Variants in NEBL observed in about 807,000 individuals in gnomAD.
The protein encoded by NEBL is LIM and SH3 protein 2.
NEBL carries 122 observed loss-of-function variants against 140.2 expected under a neutral mutation model. That is an observed-to-expected ratio of 0.87 (90% confidence interval 0.75 to 1.01). NEBL has a LOEUF of 1.01. Ranked by LOEUF, NEBL falls within the 50% of genes least tolerant of loss-of-function variation. NEBL has a pLI of 0.00. For missense variants in NEBL, 1,365 were observed against 1,231.3 expected (o/e 1.11, Z -1.62); for synonymous variants, 436 against 398.9 (o/e 1.09, Z -1.11).
intron 2 of NEBL, among the ~76,000 whole-genome samples, chr10:21,043,477 A>G (rs772168921): frequency 1.3e-5 from 2 of 152,218 alleles, no homozygotes; most frequent in African/African-American, 2.4e-5. Context: ...CAACTTTAAG[A>G]TATCATTCTT....
Position 20,818,392 on chromosome 10 carries a change from T to C in NEBL, c.2056-700A>G, listed in dbSNP as rs561852455. Among the ~76,000 whole-genome samples, 3 of 152,170 alleles carry C rather than the reference T, an allele frequency of 2.0e-5. No individual in the cohort carries two copies. In the East Asian group the frequency reaches 5.8e-4, roughly 29 times the overall value. ...TACCAACCAGAGAAACAAACAGTGC[T>C]GACCTCATGGGTTTACATAGAACAT... On this transcript the variant is annotated intron_variant, in intron 20 of 27. Transcript: ENST00000377122.
intron 3 of NEBL, among the ~76,000 whole-genome samples, chr10:20,993,008 C>G (rs2131691630): frequency 6.6e-6 from 1 of 151,948 alleles, no homozygotes; most frequent in Admixed American, 6.6e-5. Context: ...TGGTCTTGAT[C>G]TCCTGACCTC....
At chr10:21,114,120 G>C (rs1185317003) in intron 2 of NEBL, among the ~76,000 whole-genome samples, 2 of 151,744 alleles carry the variant, frequency 1.3e-5, no homozygotes, top group Non-Finnish European at 2.9e-5. Context: ...TTAATATGTT[G>C]TTTTAATTTT....
chr10:20,858,619 T>G (rs565736338), intron 8 of NEBL, among the ~76,000 whole-genome samples: 4 of 152,332 alleles, frequency 2.6e-5, no homozygotes, highest in African/African-American at 7.2e-5. Flanking sequence ...ACAGTAACTC[T>G]GCTTTCAAAA....
chr10:20,930,570 C>G lies in NEBL; in HGVS notation c.357+31102G>C, dbSNP rs187155764. Among the ~76,000 whole-genome samples the G allele has an allele frequency of 2.6e-5, 4 of 152,308 alleles. No homozygotes were observed. In the East Asian group the frequency reaches 7.7e-4, roughly 29 times the overall value. On this transcript the variant is annotated intron_variant, in intron 4 of 6. Coordinates refer to the NEBL transcript ENST00000417816. ...TAGCTCTACCATGGCCCTGCCTAGT[C>G]TCTCCTACTAAATCCTACACCAGTT...
intron 2 of NEBL, among the ~76,000 whole-genome samples, chr10:21,088,807 GAAGTATCT>G (rs1836771100): frequency 6.6e-6 from 1 of 152,206 alleles, no homozygotes; most frequent in Non-Finnish European, 1.5e-5. Flanking sequence ...ACTAAGATAA[GAAGTATCT>G]GCCAACCCTT....
intron 2 of NEBL, among the ~76,000 whole-genome samples, chr10:21,042,428 A>G (rs1442714590): frequency 6.6e-6 from 1 of 152,234 alleles, no homozygotes. Flanking sequence ...AGCCATTATT[A>G]AAAATTAAAT....
chr10:20,832,529 A>C (rs1840515918), intron 14 of NEBL, among the ~76,000 whole-genome samples: 1 of 152,154 alleles, frequency 6.6e-6, no homozygotes, highest in Non-Finnish European at 1.5e-5. Flanking sequence ...ACATTTGAAA[A>C]CTGATTATAA....
intron 26 of NEBL, among the ~76,000 whole-genome samples, chr10:20,790,888 A>C (rs1835895789): frequency 6.6e-6 from 1 of 152,220 alleles, no homozygotes; most frequent in Admixed American, 6.5e-5. Context: ...AAGGATTTTT[A>C]AAAAGTAAGA....
chr10:21,137,645 G>A (rs1426160690), intron 2 of NEBL, among the ~76,000 whole-genome samples: 1 of 152,104 alleles, frequency 6.6e-6, no homozygotes, highest in South Asian at 2.1e-4. Flanking sequence ...AGTGAAACTG[G>A]AAGTGAGCCA....
At chr10:21,120,636 A>G (rs10828192) in intron 2 of NEBL, among the ~76,000 whole-genome samples, 14,732 of 137,324 alleles carry the variant, frequency 0.11, 828 homozygotes, top group South Asian at 0.14. Context: ...TCATCCTTCT[A>G]TATTTATTGG....
intron 3 of NEBL, among the ~76,000 whole-genome samples, chr10:21,216,771 G>GA (rs112977564): frequency 0.29 from 37,886 of 129,016 alleles, 9,348 homozygotes; most frequent in African/African-American, 0.69. Flanking sequence ...ACTCCATCTC[G>GA]AAAAAAAAAA....
At position 20,888,079 on chromosome 10, in the gene NEBL, A is replaced by G. The variant is rs771142727; in HGVS notation, c.369+18T>C. Reference sequence around the variant, plus strand: ...TGTTTTATCTACAAAATCATGAAACACTTTAGAAAAACCCTACCTCACTCT... The same window carrying G: ...TGTTTTATCTACAAAATCATGAAACGCTTTAGAAAAACCCTACCTCACTCT... On this transcript the variant is annotated intron_variant, in intron 4 of 27. Coordinates refer to ENST00000377122, the MANE Select transcript of NEBL (RefSeq NM_006393.3). The G allele has an allele frequency of 6.6e-7, 1 of 1,513,054 alleles. No individual in the cohort carries two copies. Among genetic ancestry groups the G allele is most frequent in the South Asian group, 1.1e-5 (1 of 89,032 alleles). 93.7% of individuals were successfully genotyped at this position (1,513,054 alleles called of 1,614,324 possible).
intron 4 of NEBL, among the ~76,000 whole-genome samples, chr10:20,907,061 T>C (rs780692076): frequency 3.9e-5 from 6 of 152,138 alleles, no homozygotes; most frequent in Non-Finnish European, 5.9e-5. Context: ...GTGGTGACCA[T>C]GTTGGACAGT....
At position 21,186,257 on chromosome 10, in the gene NEBL, A is replaced by AACACACACACAC. The variant is rs765894739; in HGVS notation, n.349-13792_349-13781dup. ...TTTTTAAAAAATTTTTATATATACAAACACACACACACACACACACACACA... is the reference window on the plus strand; with the variant it reads ...TTTTTAAAAAATTTTTATATATACAAACACACACACACACACACACACACACACACACACACA... On this transcript the variant is annotated intron_variant and non_coding_transcript_variant, in intron 3 of 8. Coordinates refer to the NEBL transcript ENST00000675702. Among the ~76,000 whole-genome samples the AACACACACACAC allele has an allele frequency of 4.3e-3, 542 of 124,810 alleles. 7 individuals are homozygous for AACACACACACAC. The highest frequency in any genetic ancestry group is 0.013 in the African/African-American group (478 of 35,522). 81.9% of individuals were successfully genotyped at this position (124,810 alleles called of 152,430 possible).
chr10:21,174,045 G>A, exon 1 of NEBL: 1 of 1,129,534 alleles, frequency 8.9e-7, no homozygotes, highest in Non-Finnish European at 1.1e-6. Context: ...CGGGCTCGCA[G>A]GCGCTGGGTC....
intron 3 of NEBL, among the ~76,000 whole-genome samples, chr10:21,019,031 C>T (rs11012490): frequency 0.027 from 4,138 of 152,052 alleles, 191 homozygotes; most frequent in African/African-American, 0.095. Context: ...CGTTCTCCCA[C>T]CCCTCCCCCC....
intron 3 of NEBL, among the ~76,000 whole-genome samples, chr10:21,181,078 A>G (rs1379880188): frequency 6.6e-6 from 1 of 152,104 alleles, no homozygotes; most frequent in African/African-American, 2.4e-5. Context: ...CCTGACCAAC[A>G]TGGCAAAACC....
chr10:21,041,490 G>C (rs1479188214), intron 2 of NEBL, among the ~76,000 whole-genome samples: 4 of 152,102 alleles, frequency 2.6e-5, no homozygotes, highest in Admixed American at 2.6e-4. Flanking sequence ...AAAAAGGAGA[G>C]TTTTGACCTG....
Sources: allele counts gnomAD v4.1 joint callset (sites outside exome capture counted in the v4.1 genomes callset), GRCh38; gene constraint gnomAD v4.1.1; transcripts MANE v1.5; gene names NCBI Gene and HGNC (gene_info 2026-07-23, HGNC 2026-07-21).